Variants in SHOC2 observed in about 807,000 individuals in gnomAD.
SHOC2 encodes the protein leucine-rich repeat protein SHOC-2.
In SHOC2, 4 loss-of-function variants were observed where a neutral mutation model predicts 50.2. The observed-to-expected ratio is 0.08, with a 90% confidence interval of 0.04 to 0.18. The LOEUF (loss-of-function observed/expected upper bound fraction) is 0.18, where lower values mean the gene tolerates loss of function less well. Ranked by LOEUF, SHOC2 falls within the 10% of genes least tolerant of loss-of-function variation. The pLI, the probability that SHOC2 is intolerant of heterozygous loss-of-function variation, is 1.00. For missense variants in SHOC2, 388 were observed against 669.6 expected (o/e 0.58, Z 4.64); for synonymous variants, 218 against 244.5 (o/e 0.89, Z 1.01).
chr10:110,922,794 G>A (rs902166583), intron 1 of SHOC2, among the ~76,000 whole-genome samples: 3 of 151,890 alleles, frequency 2.0e-5, no homozygotes, highest in Non-Finnish European at 4.4e-5. Context: ...AATTAACAGA[G>A]GAAATTTAAA....
chr10:110,982,469 C>T (rs1167395567), intron 2 of SHOC2, among the ~76,000 whole-genome samples: 1 of 152,092 alleles, frequency 6.6e-6, no homozygotes, highest in Non-Finnish European at 1.5e-5. Context: ...TACAGTCCCA[C>T]CAACAGTGTA....
chr10:110,991,878 G>A (rs973151979), intron 3 of SHOC2, among the ~76,000 whole-genome samples: 1 of 152,132 alleles, frequency 6.6e-6, no homozygotes, highest in Non-Finnish European at 1.5e-5. Context: ...TTCTGAGAAA[G>A]TATAACTTAA....
intron 2 of SHOC2, among the ~76,000 whole-genome samples, chr10:110,969,488 G>A (rs984448813): frequency 3.9e-5 from 6 of 152,152 alleles, no homozygotes; most frequent in African/African-American, 1.4e-4. Flanking sequence ...ATTTATTCAG[G>A]CAACTCTAGA....
intron 1 of SHOC2, among the ~76,000 whole-genome samples, chr10:110,958,747 G>A (rs1323198898): frequency 2.7e-5 from 4 of 149,700 alleles, no homozygotes; most frequent in Non-Finnish European, 3.0e-5. Context: ...TTTGTTCCCT[G>A]TCTTGAATAA....
intron 1 of SHOC2, among the ~76,000 whole-genome samples, chr10:110,941,576 CCTGCCTCAGCCTCCCAAAGTG>C (rs1198042749): frequency 1.3e-5 from 2 of 152,142 alleles, no homozygotes; most frequent in Non-Finnish European, 2.9e-5. Context: ...AAGTGATCCA[CCTGCCTCAGCCTCCCAAAGTG>C]AGGCATGAGC....
At chr10:110,919,702 T>C in intron 1 of SHOC2, 45 bp downstream of exon 1, 1 of 397,588 alleles carries the variant, frequency 2.5e-6, no homozygotes. Flanking sequence ...TGGTCGGTTC[T>C]TCCTGCCTGC....
chr10:110,991,685 G>A (rs1174262906), intron 3 of SHOC2, among the ~76,000 whole-genome samples: 4 of 152,138 alleles, frequency 2.6e-5, no homozygotes, highest in Non-Finnish European at 5.9e-5. Context: ...TGTAGCAGAA[G>A]ATTGAGGTTT....
chr10:111,006,717 G>A (rs1420083073), intron 5 of SHOC2, among the ~76,000 whole-genome samples: 2 of 152,130 alleles, frequency 1.3e-5, no homozygotes, highest in Non-Finnish European at 2.9e-5. Flanking sequence ...AAATAATACT[G>A]CCACTGAGAG....
intron 1 of SHOC2, among the ~76,000 whole-genome samples, chr10:110,928,611 G>C (rs1295995346): frequency 1.3e-5 from 2 of 152,214 alleles, no homozygotes; most frequent in Admixed American, 1.3e-4. Flanking sequence ...AACATCAGCT[G>C]TATGGCAGGC....
At chr10:110,978,850 G>A (rs746488453) in intron 2 of SHOC2, among the ~76,000 whole-genome samples, 2 of 152,110 alleles carry the variant, frequency 1.3e-5, no homozygotes, top group East Asian at 1.9e-4. Flanking sequence ...TCTGGCCTTC[G>A]ACTTGAGATT....
Position 111,000,400 on chromosome 10 carries a change from T to C in SHOC2, c.842-15T>C. On this transcript the variant is annotated splice_polypyrimidine_tract_variant and intron_variant, in intron 3 of 8. Coordinates refer to ENST00000369452, the MANE Select transcript of SHOC2 (RefSeq NM_007373.4). ...TTTGTAAAAAATAAATTTCTTTTTT[T>C]GTGTGTGTTTACAGGAAACCTGTCC... 1 of 1,613,354 alleles carries C rather than the reference T, an allele frequency of 6.2e-7. No homozygotes were observed. The highest frequency in any genetic ancestry group is 1.1e-5 in the South Asian group (1 of 91,054).
At chr10:110,936,830 A>C (rs779697971) in intron 1 of SHOC2, 1 of 1,311,160 alleles carries the variant, frequency 7.6e-7, no homozygotes, top group Non-Finnish European at 1.1e-6. Context: ...CAGATAGGCA[A>C]ACTTTCTTGT....
chr10:111,013,281 A>G lies in SHOC2; in HGVS notation c.*1463A>G, dbSNP rs563188768. ...CATATATAATTAATCACTATTTTGT[A>G]TAATTACATATTGCTGCTTGTGTGT... On this transcript the variant is annotated 3_prime_UTR_variant, in exon 9 of 9. Coordinates refer to ENST00000369452, the MANE Select transcript of SHOC2 (RefSeq NM_007373.4). 1.3e-5 allele frequency: 2 copies of G among 151,568 alleles called. No homozygotes were observed. Among genetic ancestry groups the G allele is most frequent in the South Asian group, 4.2e-4 (2 of 4,810 alleles). The allele number at this position is 151,568 out of a possible 1,614,324, so 9.4% of individuals were successfully genotyped here. A position where few individuals can be genotyped will look rare whatever the true frequency, so the allele number is the denominator to read the frequency against.
intron 1 of SHOC2, among the ~76,000 whole-genome samples, chr10:110,927,543 C>G (rs2134071744): frequency 6.6e-6 from 1 of 152,146 alleles, no homozygotes; most frequent in East Asian, 1.9e-4. Context: ...ATTTGAAATT[C>G]TTAATACTAG....
intron 1 of SHOC2, among the ~76,000 whole-genome samples, chr10:110,934,536 T>G (rs1846965469): frequency 6.6e-6 from 1 of 152,182 alleles, no homozygotes; most frequent in Non-Finnish European, 1.5e-5. Context: ...GTACCATAAT[T>G]TAGTCTATTG....
In SHOC2 at chr10:110,998,416, C is replaced by T. The variant is rs190673524; in HGVS notation, c.842-1999C>T. On this transcript the variant is annotated intron_variant, in intron 3 of 8. Transcript: ENST00000369452. The stretch of plus-strand genomic sequence containing the variant: ...CTCCTGAGGAATTGACACGTCTCAC[C>T]AGAGTGTCATCAGAAAGACACTGAT... 3.2e-3 allele frequency among the ~76,000 whole-genome samples: 485 copies of T among 152,094 alleles called. 26 individuals are homozygous for T. In the South Asian group the frequency reaches 0.093, roughly 29 times the overall value.
chr10:110,977,708 T>C (rs1847902703), intron 2 of SHOC2, among the ~76,000 whole-genome samples: 1 of 152,250 alleles, frequency 6.6e-6, no homozygotes, highest in South Asian at 2.1e-4. Flanking sequence ...TTTTAAGCTT[T>C]GTTATGGTAG....
At chr10:110,949,302 C>G (rs1464517244) in intron 1 of SHOC2, among the ~76,000 whole-genome samples, 1 of 152,050 alleles carries the variant, frequency 6.6e-6, no homozygotes, top group Non-Finnish European at 1.5e-5. Flanking sequence ...TAATAAGAGA[C>G]TACAATGAAT....
At chr10:110,937,288 CTG>C (rs995744346) in intron 1 of SHOC2, 4 of 746,532 alleles carry the variant, frequency 5.4e-6, no homozygotes, top group African/African-American at 3.4e-5. Flanking sequence ...AATCCTGACT[CTG>C]TGTTTCAGTG....
Sources: allele counts gnomAD v4.1 joint callset (sites outside exome capture counted in the v4.1 genomes callset), GRCh38; gene constraint gnomAD v4.1.1; transcripts MANE v1.5; gene names NCBI Gene and HGNC (gene_info 2026-07-23, HGNC 2026-07-21).